Variants in KCTD16 observed in about 807,000 individuals in gnomAD.
KCTD16 encodes BTB/POZ domain-containing protein KCTD16.
In KCTD16, 13 loss-of-function variants were observed where a neutral mutation model predicts 33.2. The observed-to-expected ratio is 0.39, with a 90% confidence interval of 0.25 to 0.62. The LOEUF (loss-of-function observed/expected upper bound fraction) is 0.62, where lower values mean the gene tolerates loss of function less well. Ranked by LOEUF, KCTD16 falls within the 20% of genes least tolerant of loss-of-function variation. The probability of loss-of-function intolerance (pLI) is 0.50; values close to 1 mark genes in which losing one functional copy is unlikely to be tolerated. For synonymous variants in KCTD16, 197 were observed against 195.3 expected (o/e 1.01, Z -0.07); for missense variants, 441 against 525.1 (o/e 0.84, Z 1.57).
At chr5:144,418,260 G>A (rs576753606) in intron 3 of KCTD16, among the ~76,000 whole-genome samples, 23 of 152,256 alleles carry the variant, frequency 1.5e-4, no homozygotes, top group Middle Eastern at 3.4e-3. Context: ...CTTCCACAGC[G>A]TGGAAGGAGA....
At chr5:144,185,704 A>G (rs901626928) in intron 2 of KCTD16, among the ~76,000 whole-genome samples, 6 of 152,162 alleles carry the variant, frequency 3.9e-5, no homozygotes, top group Non-Finnish European at 2.9e-5. Context: ...TTCTTGGGAG[A>G]TAGGGAGCTT....
intron 3 of KCTD16, among the ~76,000 whole-genome samples, chr5:144,299,118 A>ATCAC (rs1756153996): frequency 1.0e-4 from 2 of 19,638 alleles, no homozygotes; most frequent in Non-Finnish European, 1.7e-4. Flanking sequence ...ATATATATAT[A>ATCAC]TATATATATA....
chr5:144,438,435 G>A (rs1340023251), intron 3 of KCTD16, among the ~76,000 whole-genome samples: 1 of 152,192 alleles, frequency 6.6e-6, no homozygotes, highest in African/African-American at 2.4e-5. Flanking sequence ...TTGACTCTGT[G>A]CATCTGTCTC....
chr5:144,255,457 C>A (rs1754819341), intron 3 of KCTD16, among the ~76,000 whole-genome samples: 1 of 152,158 alleles, frequency 6.6e-6, no homozygotes, highest in African/African-American at 2.4e-5. Context: ...CAACAGTGTG[C>A]AGGTTCCAAT....
At chr5:144,283,148 A>G (rs981195353) in intron 3 of KCTD16, among the ~76,000 whole-genome samples, 2 of 152,250 alleles carry the variant, frequency 1.3e-5, no homozygotes, top group East Asian at 3.9e-4. Flanking sequence ...TGCTGCATCC[A>G]TTAACTCGTC....
At chr5:144,426,083 A>G (rs1753322409) in intron 3 of KCTD16, among the ~76,000 whole-genome samples, 4 of 152,052 alleles carry the variant, frequency 2.6e-5, no homozygotes, top group Admixed American at 2.6e-4. Flanking sequence ...CTTGCATCTC[A>G]CTGTATGCAG....
At chr5:144,360,629 A>C (rs1421978810) in intron 3 of KCTD16, among the ~76,000 whole-genome samples, 1 of 151,930 alleles carries the variant, frequency 6.6e-6, no homozygotes, top group Non-Finnish European at 1.5e-5. Context: ...ATGGGCTTTC[A>C]CCATATTGGC....
chr5:144,427,017 G>C (rs1013077622), intron 3 of KCTD16, among the ~76,000 whole-genome samples: 1 of 151,958 alleles, frequency 6.6e-6, no homozygotes, highest in Non-Finnish European at 1.5e-5. Flanking sequence ...TCCCACTTTA[G>C]GTCTTTCGTA....
At chr5:144,282,797 A>G (rs879934466) in intron 3 of KCTD16, among the ~76,000 whole-genome samples, 1 of 152,150 alleles carries the variant, frequency 6.6e-6, no homozygotes, top group African/African-American at 2.4e-5. Flanking sequence ...GCAAGAGAGA[A>G]GTAAGAAAGA....
chr5:144,352,871 C>A (rs996248155), intron 3 of KCTD16, among the ~76,000 whole-genome samples: 1 of 152,162 alleles, frequency 6.6e-6, no homozygotes, highest in African/African-American at 2.4e-5. Context: ...CTCTGAATAT[C>A]TTCGGCTCTG....
At chr5:144,207,651 C>CT in intron 3 of KCTD16, 105 bp downstream of exon 3, 1 of 855,124 alleles carries the variant, frequency 1.2e-6, no homozygotes, top group Non-Finnish European at 1.8e-6. Context: ...GTTTGGAATT[C>CT]TTTTTAACTC....
intron 3 of KCTD16, among the ~76,000 whole-genome samples, chr5:144,316,592 A>C (rs1434375968): frequency 1.4e-5 from 2 of 144,584 alleles, no homozygotes; most frequent in Non-Finnish European, 3.0e-5. Flanking sequence ...CACTCACTGC[A>C]ACCTCCACCT....
intron 3 of KCTD16, among the ~76,000 whole-genome samples, chr5:144,466,997 T>TA (rs1258534965): frequency 1.7e-4 from 8 of 47,232 alleles, no homozygotes; most frequent in African/African-American, 6.5e-4. Flanking sequence ...ACTATATATA[T>TA]TATATATATT....
In KCTD16 at chr5:144,473,909, G is replaced by A. The variant is rs771025690; in HGVS notation, c.1082G>A (p.Arg361Gln). Residue 361 changes from arginine to glutamine, a missense_variant, in exon 4 of 4, where the codon CGG becomes CAG. Arg to Gln is a conservative substitution (Grantham distance 43). Coordinates refer to ENST00000512467, the MANE Select transcript of KCTD16 (RefSeq NM_020768.4). ...VQLIQQSEMR[R>Q]KSDLLRTLTS... is the part of the protein sequence containing the mutation. ...CTGATCCAACAGTCAGAGATGCGGC[G>A]GAAAAGCGACTTACTCCGGACTCTG... is the stretch of plus-strand genomic sequence containing the variant. The A allele has an allele frequency of 1.3e-5, 21 of 1,613,958 alleles. No homozygotes were observed. The highest frequency in any genetic ancestry group is 1.6e-4 in the Middle Eastern group (1 of 6,062).
chr5:144,452,624 A>G (rs1753971178), intron 3 of KCTD16, among the ~76,000 whole-genome samples: 1 of 152,122 alleles, frequency 6.6e-6, no homozygotes, highest in African/African-American at 2.4e-5. Flanking sequence ...CTATTTAAAA[A>G]TATGGGGATT....
At chr5:144,461,166 T>G (rs1245830336) in intron 3 of KCTD16, among the ~76,000 whole-genome samples, 1 of 152,224 alleles carries the variant, frequency 6.6e-6, no homozygotes, top group Non-Finnish European at 1.5e-5. Context: ...CGGGCTGCTC[T>G]ATATAATTGC....
chr5:144,483,823 CA>C lies in KCTD16; in HGVS notation c.*9711del, dbSNP rs1754750655. ...CAGAGATCTGTCAGGTGTGCCCACA[CA>C]ACAGAAGCACTTGTAAACTAATTAA... On this transcript the variant is annotated 3_prime_UTR_variant, in exon 4 of 4. Coordinates refer to ENST00000512467, the MANE Select transcript of KCTD16 (RefSeq NM_020768.4). 1.3e-5 allele frequency: 2 copies of C among 151,982 alleles called. No homozygotes were observed. Among genetic ancestry groups the C allele is most frequent in the African/African-American group, 4.8e-5 (2 of 41,410 alleles). 9.4% of individuals were successfully genotyped at this position (151,982 alleles called of 1,614,324 possible). A position where few individuals can be genotyped will look rare whatever the true frequency, so the allele number is the denominator to read the frequency against.
intron 3 of KCTD16, among the ~76,000 whole-genome samples, chr5:144,466,868 A>C (rs1241392339): frequency 6.7e-6 from 1 of 150,058 alleles, no homozygotes; most frequent in Non-Finnish European, 1.5e-5. Context: ...GAGCACAATA[A>C]CAAGACATAG....
At chr5:144,310,609 T>C (rs1047332769) in intron 3 of KCTD16, among the ~76,000 whole-genome samples, 1 of 151,728 alleles carries the variant, frequency 6.6e-6, no homozygotes, top group Non-Finnish European at 1.5e-5. Context: ...TATATATTTT[T>C]TGATCAATAA....
Sources: gnomAD v4.1 joint callset for allele counts (sites outside exome capture counted in the v4.1 genomes callset) on GRCh38, gnomAD v4.1.1 for gene constraint, MANE v1.5 for transcripts, NCBI Gene and HGNC (gene_info 2026-07-23, HGNC 2026-07-21) for gene names.